FOXP2: variants seen among roughly 807,000 people sequenced by gnomAD.
FOXP2 encodes the protein forkhead box protein P2.
In FOXP2, 12 loss-of-function variants were observed where a neutral mutation model predicts 115.8. The ratio of observed to expected loss-of-function variants is 0.10; its 90% CI spans 0.07 to 0.17. The LOEUF is 0.17. Among genes scored for constraint, FOXP2 ranks in the 10% least tolerant of loss-of-function variants. The pLI, the probability that FOXP2 is intolerant of heterozygous loss-of-function variation, is 1.00. For synonymous variants in FOXP2, 328 were observed against 297.7 expected (o/e 1.10, Z -1.05); for missense variants, 629 against 843.5 (o/e 0.75, Z 3.15).
At chr7:114,092,742 C>G (rs907828084) in intron 1 of FOXP2, among the ~76,000 whole-genome samples, 15 of 152,104 alleles carry the variant, frequency 9.9e-5, no homozygotes, top group Admixed American at 3.3e-4. Context: ...CTTTAAGAAC[C>G]ATTCCTCACT....
chr7:114,493,989 GTTC>G (rs199633511), intron 2 of FOXP2, among the ~76,000 whole-genome samples: 2,649 of 152,036 alleles, frequency 0.017, 36 homozygotes, highest in Non-Finnish European at 0.027. Context: ...AATGTCAACA[GTTC>G]TTCTTTCTAT....
chr7:114,095,059 G>A (rs1448097062), intron 1 of FOXP2, among the ~76,000 whole-genome samples: 2 of 152,106 alleles, frequency 1.3e-5, no homozygotes, highest in African/African-American at 4.8e-5. Flanking sequence ...ATAAGACTGA[G>A]AATGAAGATG....
intron 2 of FOXP2, among the ~76,000 whole-genome samples, chr7:114,520,719 G>A (rs909385932): frequency 1.3e-5 from 2 of 151,890 alleles, no homozygotes; most frequent in Non-Finnish European, 2.9e-5. Context: ...AACAAAGGAG[G>A]CAAAGCAAGG....
rs911542454 is a variant in FOXP2, at chr7:114,414,904, T to G, written c.-467T>G. ...GTCTTTCTCTCTCTCACACACACAC[T>G]CACACACTCACACACATGCACACAC... is the stretch of plus-strand genomic sequence containing the variant. On this transcript the variant is annotated 5_prime_UTR_variant, in exon 1 of 17. Coordinates refer to ENST00000350908, the MANE Select transcript of FOXP2 (RefSeq NM_014491.4). The G allele has an allele frequency of 6.1e-6, 2 of 329,646 alleles. No homozygotes were observed. The highest frequency in any genetic ancestry group is 1.0e-3 in the Middle Eastern group (1 of 972). 20.4% of individuals were successfully genotyped at this position (329,646 alleles called of 1,614,324 possible). A position where few individuals can be genotyped will look rare whatever the true frequency, so the allele number is the denominator to read the frequency against.
intron 1 of FOXP2, among the ~76,000 whole-genome samples, chr7:114,111,373 G>A (rs541856364): frequency 6.6e-6 from 1 of 152,196 alleles, no homozygotes; most frequent in East Asian, 1.9e-4. Flanking sequence ...GCCCAGGTGA[G>A]CTCTACCCCT....
At chr7:114,431,756 G>A (rs1794122739) in intron 2 of FOXP2, among the ~76,000 whole-genome samples, 1 of 151,866 alleles carries the variant, frequency 6.6e-6, no homozygotes, top group Non-Finnish European at 1.5e-5. Context: ...TTTGAGAATG[G>A]ATTATGTGAA....
At chr7:114,630,276 CT>C (rs762309162) in intron 5 of FOXP2, among the ~76,000 whole-genome samples, 19 of 152,124 alleles carry the variant, frequency 1.2e-4, no homozygotes, top group South Asian at 6.2e-4. Flanking sequence ...GGACAAAGTA[CT>C]GATTATCTTG....
At chr7:114,514,672 T>C (rs890329109) in intron 2 of FOXP2, among the ~76,000 whole-genome samples, 4 of 151,702 alleles carry the variant, frequency 2.6e-5, no homozygotes, top group African/African-American at 9.7e-5. Context: ...TATTTCTTTT[T>C]TACATTCAAT....
chr7:114,306,949 G>A (rs115891954), intron 2 of FOXP2, among the ~76,000 whole-genome samples: 2,263 of 152,042 alleles, frequency 0.015, 25 homozygotes, highest in African/African-American at 0.026. Flanking sequence ...GATTACAGTG[G>A]GTCCACTGGC....
At chr7:114,099,282 T>C (rs1022777229) in intron 1 of FOXP2, among the ~76,000 whole-genome samples, 3 of 152,156 alleles carry the variant, frequency 2.0e-5, no homozygotes, top group Non-Finnish European at 2.9e-5. Context: ...GTGCCCAACA[T>C]GATAAATTAT....
At chr7:114,172,279 CA>C (rs1793166455) in intron 1 of FOXP2, among the ~76,000 whole-genome samples, 1 of 152,094 alleles carries the variant, frequency 6.6e-6, no homozygotes, top group Non-Finnish European at 1.5e-5. Flanking sequence ...GCGATACCTC[CA>C]AGGTATGCCT....
intron 3 of FOXP2, among the ~76,000 whole-genome samples, chr7:114,599,992 G>A (rs1239005107): frequency 6.6e-6 from 1 of 152,048 alleles, no homozygotes; most frequent in Non-Finnish European, 1.5e-5. Context: ...CTGGTATGGT[G>A]CATTCATTAT....
At chr7:114,131,602 A>G (rs548289198) in intron 1 of FOXP2, among the ~76,000 whole-genome samples, 2 of 152,172 alleles carry the variant, frequency 1.3e-5, no homozygotes, top group Non-Finnish European at 2.9e-5. Context: ...TAAAAAAAGG[A>G]TAACTGTAGT....
At chr7:114,265,075 C>G (rs965116904) in intron 1 of FOXP2, among the ~76,000 whole-genome samples, 1 of 152,144 alleles carries the variant, frequency 6.6e-6, no homozygotes, top group Non-Finnish European at 1.5e-5. Flanking sequence ...AATCTCATGT[C>G]CTTCTTACAT....
At chr7:114,584,804 C>T (rs1273021883) in intron 3 of FOXP2, among the ~76,000 whole-genome samples, 4 of 152,214 alleles carry the variant, frequency 2.6e-5, no homozygotes, top group Non-Finnish European at 5.9e-5. Flanking sequence ...CAGTAACATC[C>T]GTATGGATTG....
At chr7:114,613,684 A>G (rs2129319432) in intron 3 of FOXP2, 1 of 149,914 alleles carries the variant, frequency 6.7e-6, no homozygotes, top group Non-Finnish European at 1.5e-5. Flanking sequence ...CAAAAAAAAA[A>G]AAAATGTATA....
At chr7:114,282,163 T>A (rs1016634912) in intron 1 of FOXP2, among the ~76,000 whole-genome samples, 51 of 152,334 alleles carry the variant, frequency 3.3e-4, no homozygotes, top group African/African-American at 1.1e-3. Flanking sequence ...TGTTGTAGAT[T>A]AGCTATAATT....
chr7:114,553,874 TA>T (rs1265489318), intron 3 of FOXP2, among the ~76,000 whole-genome samples: 1 of 152,132 alleles, frequency 6.6e-6, no homozygotes, highest in African/African-American at 2.4e-5. Flanking sequence ...CACTTTCAGA[TA>T]ATCTATAGAA....
intron 1 of FOXP2, among the ~76,000 whole-genome samples, chr7:114,137,493 A>G (rs1410156299): frequency 1.3e-5 from 2 of 152,158 alleles, no homozygotes; most frequent in Non-Finnish European, 2.9e-5. Context: ...GCTCAGGAGA[A>G]CCAATAATTG....
Sources: allele counts gnomAD v4.1 joint callset (sites outside exome capture counted in the v4.1 genomes callset), GRCh38; gene constraint gnomAD v4.1.1; transcripts MANE v1.5; gene names NCBI Gene and HGNC (gene_info 2026-07-23, HGNC 2026-07-21).